PSTPIP2: variants seen among roughly 807,000 people sequenced by gnomAD.
PSTPIP2 encodes the protein proline-serine-threonine phosphatase interacting protein 2, also known as proline-serine-threonine phosphatase-interacting protein 2.
In PSTPIP2, 33 loss-of-function variants were observed where a neutral mutation model predicts 63.3. The observed-to-expected ratio is 0.52, with a 90% CI of 0.40 to 0.70. The LOEUF (loss-of-function observed/expected upper bound fraction) is 0.70. PSTPIP2 is among the 30% of genes least tolerant of loss of function. The pLI is 0.00. For missense variants in PSTPIP2, 312 were observed against 400.7 expected, an observed-to-expected ratio of 0.78 and a Z score of 1.89; for synonymous variants, 125 against 132.7, an observed-to-expected ratio of 0.94 and a Z score of 0.40.
chr18:46,038,546 A>G (rs1908068039), intron 2 of PSTPIP2, among the ~76,000 whole-genome samples: 1 of 152,234 alleles, frequency 6.6e-6, no homozygotes, highest in African/African-American at 2.4e-5. Flanking sequence ...CTTCATGCTC[A>G]TGAAACTCTT....
chr18:46,004,564 G>A (rs550585369), intron 6 of PSTPIP2, among the ~76,000 whole-genome samples: 2 of 152,250 alleles, frequency 1.3e-5, no homozygotes, highest in African/African-American at 4.8e-5. Flanking sequence ...TAGTAACAGG[G>A]TAAAATTGCA....
Position 45,985,466 on chromosome 18 carries a change from A to T in PSTPIP2, c.*9-16T>A. ...GCTCTGGTTTCTGAAAGAAAATAAC[A>T]AAGAAATTTCCTCTGAATGAAAGGT... On this transcript the variant is annotated splice_polypyrimidine_tract_variant and intron_variant, in intron 14 of 14. Coordinates refer to ENST00000409746, the MANE Select transcript of PSTPIP2 (RefSeq NM_024430.4). 6.2e-7 allele frequency: 1 copy of T among 1,612,686 alleles called. No homozygotes were observed. The highest frequency in any genetic ancestry group is 8.5e-7 in the Non-Finnish European group (1 of 1,179,294).
chr18:46,020,665 T>C (rs1293449544), intron 3 of PSTPIP2, among the ~76,000 whole-genome samples: 1 of 151,996 alleles, frequency 6.6e-6, no homozygotes, highest in Admixed American at 6.6e-5. Flanking sequence ...AAAAAAATCA[T>C]CCACTGTCTT....
rs915481308 is a variant in PSTPIP2 at position 46,015,397 on chromosome 18, G to T, written c.247+506C>A. ...GACTGAGCATAAGAACATACCAGGG[G>T]TTAGGTTGGTAGACAGTCTGGCTGA... On this transcript the variant is annotated intron_variant, in intron 4 of 14. Coordinates refer to ENST00000409746, the MANE Select transcript of PSTPIP2 (RefSeq NM_024430.4). Among the ~76,000 whole-genome samples the T allele has an allele frequency of 4.6e-5, 7 of 152,294 alleles. No individual in the cohort carries two copies. The East Asian group carries it at 1.3e-3, about 29-fold the overall frequency.
In PSTPIP2 at chr18:46,014,585, T is replaced by C. The variant is rs2051834167; in HGVS notation, c.247+1318A>G. On this transcript the variant is annotated intron_variant, in intron 4 of 14. Coordinates refer to ENST00000409746, the MANE Select transcript of PSTPIP2 (RefSeq NM_024430.4). ...AAAATTAGCCAGACGTAGTGGTGCA[T>C]GCCTGTGGGCCCAGCTACTCAGAAG... 2.0e-5 allele frequency among the ~76,000 whole-genome samples: 3 copies of C among 152,044 alleles called. No individual in the cohort carries two copies. The South Asian group carries it at 6.2e-4, about 32-fold the overall frequency.
intron 1 of PSTPIP2, among the ~76,000 whole-genome samples, chr18:46,045,507 G>A (rs2144116901): frequency 6.6e-6 from 1 of 151,846 alleles, no homozygotes; most frequent in African/African-American, 2.4e-5. Flanking sequence ...TCTGGGGACT[G>A]TTGTGGGGTA....
intron 1 of PSTPIP2, among the ~76,000 whole-genome samples, chr18:46,048,994 T>C (rs1329009328): frequency 6.7e-6 from 1 of 149,046 alleles, no homozygotes; most frequent in East Asian, 2.0e-4. Context: ...TTTCAAATGG[T>C]TCAGAAAAAA....
chr18:46,067,256 A>G (rs1909224127), intron 1 of PSTPIP2, among the ~76,000 whole-genome samples: 1 of 152,100 alleles, frequency 6.6e-6, no homozygotes, highest in South Asian at 2.1e-4. Context: ...TAATCCCAGC[A>G]CTTTGGGAGG....
At chr18:46,016,119 C>G (rs2051850470) in intron 3 of PSTPIP2, 182 bp from the exon 4 acceptor site, 2 of 616,140 alleles carry the variant, frequency 3.2e-6, no homozygotes, top group South Asian at 4.3e-5. Flanking sequence ...TCCTCAATCC[C>G]AGGCACAAGA....
chr18:46,021,747 A>C (rs922564031), intron 3 of PSTPIP2, among the ~76,000 whole-genome samples: 2 of 150,834 alleles, frequency 1.3e-5, no homozygotes, highest in African/African-American at 4.9e-5. Flanking sequence ...GGAGTTCAAG[A>C]CCAGCCTGAC....
At chr18:46,011,729 G>A (rs1426455316) in intron 4 of PSTPIP2, among the ~76,000 whole-genome samples, 1 of 152,142 alleles carries the variant, frequency 6.6e-6, no homozygotes, top group South Asian at 2.1e-4. Context: ...GCTACCAATA[G>A]TTATCTCTGG....
At chr18:46,020,357 A>G (rs563304642) in intron 3 of PSTPIP2, among the ~76,000 whole-genome samples, 18 of 152,314 alleles carry the variant, frequency 1.2e-4, no homozygotes, top group Admixed American at 6.5e-4. Flanking sequence ...TAGTCCCTGG[A>G]TAAGCAAAAT....
At chr18:46,066,776 T>A (rs1273260073) in intron 1 of PSTPIP2, among the ~76,000 whole-genome samples, 1 of 152,226 alleles carries the variant, frequency 6.6e-6, no homozygotes, top group Non-Finnish European at 1.5e-5. Flanking sequence ...ACGCCTGTAA[T>A]CCCAGCACTT....
At position 46,036,123 on chromosome 18, in the gene PSTPIP2, TTTTA is replaced by T. The variant is rs1286435995; in HGVS notation, c.134+3820_134+3823del. On this transcript the variant is annotated intron_variant, in intron 2 of 14. Transcript: ENST00000409746. Reference sequence around the variant, plus strand: ...GTATTAATTAATTTAATTAATATCATTTTATTTAATTAATATTAATTAATATTAT... The same window carrying T: ...GTATTAATTAATTTAATTAATATCATTTTAATTAATATTAATTAATATTAT... 6.1e-5 allele frequency among the ~76,000 whole-genome samples: 9 copies of T among 147,342 alleles called. No individual in the cohort carries two copies. The East Asian group carries it at 1.8e-3, about 30-fold the overall frequency.
chr18:46,029,258 A>G, intron 2 of PSTPIP2: 1 of 1,284,762 alleles, frequency 7.8e-7, no homozygotes, highest in Admixed American at 1.7e-5. Flanking sequence ...ATGTCTCCCC[A>G]GATGGGTCCT....
chr18:46,023,724 C>A (rs1907467924), intron 3 of PSTPIP2, among the ~76,000 whole-genome samples: 1 of 151,916 alleles, frequency 6.6e-6, no homozygotes, highest in Non-Finnish European at 1.5e-5. Flanking sequence ...GACCTCTGGG[C>A]ATCTCTGCTA....
chr18:46,063,977 T>G (rs1909081750), intron 1 of PSTPIP2, among the ~76,000 whole-genome samples: 2 of 152,218 alleles, frequency 1.3e-5, no homozygotes, highest in Admixed American at 6.5e-5. Flanking sequence ...AATGGTTTTT[T>G]CAGTCATTCA....
At chr18:46,057,946 G>A (rs548245337) in intron 1 of PSTPIP2, among the ~76,000 whole-genome samples, 7 of 150,132 alleles carry the variant, frequency 4.7e-5, no homozygotes, top group Admixed American at 1.3e-4. Context: ...TGCAGTGAGC[G>A]GAGATCGCAC....
intron 6 of PSTPIP2, among the ~76,000 whole-genome samples, chr18:46,003,763 T>G (rs2144073792): frequency 6.6e-6 from 1 of 150,718 alleles, no homozygotes; most frequent in South Asian, 2.1e-4. Flanking sequence ...AGTTTTTTTT[T>G]TTTTTTTTGA....
Sources: gnomAD v4.1 joint callset for allele counts (sites outside exome capture counted in the v4.1 genomes callset) on GRCh38, gnomAD v4.1.1 for gene constraint, MANE v1.5 for transcripts, NCBI Gene and HGNC (gene_info 2026-07-23, HGNC 2026-07-21) for gene names.